The following UTP18 variants were observed in gnomAD, a reference collection of about 807,000 sequenced individuals.
The protein encoded by UTP18 is U3 small nucleolar RNA-associated protein 18 homolog.
Under a neutral mutation model 61.1 loss-of-function variants are expected in UTP18, and 36 were observed. The ratio of observed to expected loss-of-function variants is 0.59; its 90% CI spans 0.45 to 0.78. UTP18 has a LOEUF of 0.78. Ranked by LOEUF, UTP18 falls within the 30% of genes least tolerant of loss-of-function variation. The pLI is 0.00. For missense variants in UTP18, 753 were observed against 693.9 expected (o/e 1.09, Z -0.96); for synonymous variants, 282 against 251.1 (o/e 1.12, Z -1.16).
In UTP18 at chr17:51,263,398, A is replaced by G. The variant is rs763509687; in HGVS notation, c.455+12A>G. On this transcript the variant is annotated intron_variant, in intron 2 of 13. Coordinates refer to ENST00000225298, the MANE Select transcript of UTP18 (RefSeq NM_016001.3). ...GAAGATGAGGAAATGTAAGTTGCCTAACTTTTCTTCTGAATCCCTCTGTAC... is the reference window on the plus strand; with the variant it reads ...GAAGATGAGGAAATGTAAGTTGCCTGACTTTTCTTCTGAATCCCTCTGTAC... 1.9e-6 allele frequency: 3 copies of G among 1,601,430 alleles called. No homozygotes were observed. Among genetic ancestry groups the G allele is most frequent in the Non-Finnish European group, 2.6e-6 (3 of 1,168,818 alleles).
intron 10 of UTP18, among the ~76,000 whole-genome samples, chr17:51,286,152 C>T (rs1274990051): frequency 6.6e-6 from 1 of 152,158 alleles, no homozygotes; most frequent in Non-Finnish European, 1.5e-5. Flanking sequence ...AAAATATTAT[C>T]TAGAACACAT....
At position 51,277,214 on chromosome 17, in the gene UTP18, G is replaced by A; in HGVS notation, c.922G>A (p.Glu308Lys). 1 of 1,614,164 alleles carries A rather than the reference G, an allele frequency of 6.2e-7. No homozygotes were observed. Among genetic ancestry groups the A allele is most frequent in the Non-Finnish European group, 8.5e-7 (1 of 1,180,020 alleles). ...TAAGGCTTGTTTTAGTGCTAATGGG[G>A]AAGAAGTTTTAGCCACGAGTACCCA... is the stretch of plus-strand genomic sequence containing the variant. ...IFKACFSANG[E>K]EVLATSTHSK... The change falls in exon 7 of 14, where the codon GAA (glutamate) becomes AAA (lysine). Residue 308 changes from glutamate to lysine, a missense_variant. Physicochemically the swap from Glu to Lys is moderately conservative, Grantham distance 56. Transcript: ENST00000225298.
intron 5 of UTP18, among the ~76,000 whole-genome samples, chr17:51,274,737 C>T (rs891741646): frequency 4.0e-5 from 6 of 151,306 alleles, no homozygotes; most frequent in Non-Finnish European, 8.8e-5. Flanking sequence ...AGGCGTGAGC[C>T]ACCGCGCCCA....
chr17:51,273,341 T>G, intron 4 of UTP18, 21 bp from the exon 5 acceptor site: 1 of 1,589,892 alleles, frequency 6.3e-7, no homozygotes, highest in Non-Finnish European at 8.6e-7. Context: ...AAGATCAGCC[T>G]TCTGGGTTTG....
chr17:51,283,430 AGTGCT>A (rs966903684), intron 9 of UTP18, among the ~76,000 whole-genome samples: 2 of 152,088 alleles, frequency 1.3e-5, no homozygotes, highest in African/African-American at 4.8e-5. Context: ...GGCCTCCCAA[AGTGCT>A]GGGATTATAG....
intron 6 of UTP18, 22 bp downstream of exon 6, chr17:51,276,013 T>C: frequency 6.3e-7 from 1 of 1,582,742 alleles, no homozygotes; most frequent in Non-Finnish European, 8.5e-7. Flanking sequence ...TATTTACTTA[T>C]TTATTTCTAA....
In UTP18 at chr17:51,285,451, A is replaced by G. The variant is rs533941963; in HGVS notation, c.1328+83A>G. 18 of 1,502,170 alleles carry G rather than the reference A, an allele frequency of 1.2e-5. No individual in the cohort carries two copies. In the Admixed American group the frequency reaches 2.5e-4, roughly 21 times the overall value. The allele number at this position is 1,502,170 out of a possible 1,614,324, so 93.1% of individuals were successfully genotyped here. A position where few individuals can be genotyped will look rare whatever the true frequency, so the allele number is the denominator to read the frequency against. ...AGGAATTGAATATACTAGGTGGTGC[A>G]TGAGTAGTTCTCTTTATAAACTATT... On this transcript the variant is annotated intron_variant, in intron 10 of 13. Coordinates refer to ENST00000225298, the MANE Select transcript of UTP18 (RefSeq NM_016001.3).
At chr17:51,290,551 C>T (rs76018838) in intron 11 of UTP18, among the ~76,000 whole-genome samples, 1 of 152,172 alleles carries the variant, frequency 6.6e-6, no homozygotes, top group Non-Finnish European at 1.5e-5. Flanking sequence ...GCTTTAAAAT[C>T]CCTGCTCCCT....
intron 9 of UTP18, among the ~76,000 whole-genome samples, chr17:51,284,131 T>C (rs1905035529): frequency 6.6e-6 from 1 of 152,262 alleles, no homozygotes; most frequent in Non-Finnish European, 1.5e-5. Flanking sequence ...TGTGTTTTAC[T>C]ACTGCTTAAC....
chr17:51,287,559 G>T (rs752698375), intron 10 of UTP18, among the ~76,000 whole-genome samples: 2 of 152,168 alleles, frequency 1.3e-5, no homozygotes, highest in South Asian at 4.1e-4. Flanking sequence ...GAAGGGAGGC[G>T]GGAGGAGGGG....
In UTP18 at chr17:51,277,237, C is replaced by A. The variant is rs772426723; in HGVS notation, c.945C>A (p.Thr315=). ...GGGAAGAAGTTTTAGCCACGAGTACCCACAGCAAGGTTCTTTATGTCTATG... is the reference window on the plus strand; with the variant it reads ...GGGAAGAAGTTTTAGCCACGAGTACACACAGCAAGGTTCTTTATGTCTATG... ...ANGEEVLATS[T]HSKVLYVYDM... is the part of the protein sequence containing the mutation. The change falls in exon 7 of 14, where the codon ACC becomes ACA. Residue 315 remains threonine, a synonymous_variant. Coordinates refer to ENST00000225298, the MANE Select transcript of UTP18 (RefSeq NM_016001.3). 13 of 1,614,060 alleles carry A rather than the reference C, an allele frequency of 8.1e-6. No individual in the cohort carries two copies. Among genetic ancestry groups the A allele is most frequent in the Non-Finnish European group, 1.1e-5 (13 of 1,180,016 alleles).
Position 51,280,048 on chromosome 17 carries a change from T to A in UTP18, c.1056T>A (p.Asp352Glu). ...TGAGGAGCTTTGAAGTCTCCCCAGA[T>A]GGGTCCTTCTTGCTCATAAATGGCA... ...KIVRSFEVSPDGSFLLINGIA... is the reference protein window; with the variant it reads ...KIVRSFEVSPEGSFLLINGIA... Residue 352 changes from aspartate to glutamate, a missense_variant, in exon 8 of 14, where the codon GAT becomes GAA. Asp to Glu is a conservative substitution (Grantham distance 45). Coordinates refer to ENST00000225298, the MANE Select transcript of UTP18 (RefSeq NM_016001.3). 6.2e-7 allele frequency: 1 copy of A among 1,614,080 alleles called. No homozygotes were observed. Among genetic ancestry groups the A allele is most frequent in the Non-Finnish European group, 8.5e-7 (1 of 1,179,972 alleles).
intron 7 of UTP18, among the ~76,000 whole-genome samples, chr17:51,278,417 A>G (rs1231498077): frequency 6.6e-6 from 1 of 152,230 alleles, no homozygotes; most frequent in African/African-American, 2.4e-5. Context: ...TCATTTCACT[A>G]TTCAAAAGTA....
chr17:51,266,537 C>T lies in UTP18; in HGVS notation c.554+257C>T, dbSNP rs914055694. Among the ~76,000 whole-genome samples the T allele has an allele frequency of 3.4e-4, 51 of 152,126 alleles. 1 individual carries two copies. Among genetic ancestry groups the T allele is most frequent in the Admixed American group, 8.5e-4 (13 of 15,262 alleles). On this transcript the variant is annotated intron_variant, in intron 3 of 13. Transcript: ENST00000225298. ...CTTACTTGTTCATTTGCATATGGTACACCATAATTTTATAATATGAACATT... is the reference window on the plus strand; with the variant it reads ...CTTACTTGTTCATTTGCATATGGTATACCATAATTTTATAATATGAACATT...
At chr17:51,285,222 C>CT (rs1211972137) in intron 9 of UTP18, 23 bp from the exon 10 acceptor site, 4 of 1,609,866 alleles carry the variant, frequency 2.5e-6, no homozygotes, top group Non-Finnish European at 2.5e-6. Flanking sequence ...ATTAACAACT[C>CT]TTTTTTTCGC....
intron 2 of UTP18, among the ~76,000 whole-genome samples, chr17:51,263,609 G>A (rs891631772): frequency 4.6e-5 from 7 of 152,168 alleles, no homozygotes; most frequent in South Asian, 2.1e-4. Flanking sequence ...GCTGTATACA[G>A]TAGCTAAGAG....
At chr17:51,265,023 G>A (rs1244504403) in intron 2 of UTP18, among the ~76,000 whole-genome samples, 1 of 151,832 alleles carries the variant, frequency 6.6e-6, no homozygotes, top group Non-Finnish European at 1.5e-5. Context: ...CTTGTCTATT[G>A]GAGACTTTTT....
rs74945395 is a variant in UTP18 at position 51,272,421 on chromosome 17, T to C, written c.623-941T>C. ...GCCTGAACATAGTATTTTTAAGGTT[T>C]GTGTCTGATAATTCCGTTGTTTAGA... On this transcript the variant is annotated intron_variant, in intron 4 of 13. Coordinates refer to ENST00000225298, the MANE Select transcript of UTP18 (RefSeq NM_016001.3). Among the ~76,000 whole-genome samples the C allele has an allele frequency of 2.5e-3, 379 of 152,304 alleles. 1 individual carries two copies. The highest frequency in any genetic ancestry group is 8.9e-3 in the African/African-American group (368 of 41,568).
intron 3 of UTP18, among the ~76,000 whole-genome samples, chr17:51,268,497 A>G (rs1904386224): frequency 6.6e-6 from 1 of 152,260 alleles, no homozygotes; most frequent in Non-Finnish European, 1.5e-5. Flanking sequence ...GTACTGTGGC[A>G]TAAACCACAA....
Sources: allele counts gnomAD v4.1 joint callset (sites outside exome capture counted in the v4.1 genomes callset), GRCh38; gene constraint gnomAD v4.1.1; transcripts MANE v1.5; gene names NCBI Gene and HGNC (gene_info 2026-07-23, HGNC 2026-07-21).